Variants in ADGRG6 observed in about 807,000 individuals in gnomAD.
ADGRG6 encodes the protein G-protein coupled receptor 126.
A neutral mutation model predicts 142.4 loss-of-function variants in ADGRG6; 84 were observed. The ratio of observed to expected loss-of-function variants is 0.59; its 90% CI spans 0.49 to 0.71. The LOEUF (loss-of-function observed/expected upper bound fraction) is 0.71, where lower values mean the gene tolerates loss of function less well. Ranked by LOEUF, ADGRG6 falls within the 30% of genes least tolerant of loss-of-function variation. The probability of loss-of-function intolerance (pLI) is 0.00; values close to 1 mark genes in which losing one functional copy is unlikely to be tolerated. For missense variants in ADGRG6, 1,367 were observed against 1,466.6 expected, an observed-to-expected ratio of 0.93 and a Z score of 1.11; for synonymous variants, 521 against 520.5, an observed-to-expected ratio of 1.00 and a Z score of -0.01.
intron 5 of ADGRG6, among the ~76,000 whole-genome samples, chr6:142,382,418 T>G (rs1453672424): frequency 6.6e-6 from 1 of 152,188 alleles, no homozygotes; most frequent in Non-Finnish European, 1.5e-5. Context: ...AATTTGACTA[T>G]TCAGTTAACT....
At position 142,445,834 on chromosome 6, in the gene ADGRG6, GTTTTC is replaced by G. The variant is rs1777949963; in HGVS notation, c.*2329_*2333del. 2 of 152,036 alleles carry G rather than the reference GTTTTC, an allele frequency of 1.3e-5. No homozygotes were observed. The highest frequency in any genetic ancestry group is 4.8e-5 in the African/African-American group (2 of 41,406). 9.4% of individuals were successfully genotyped at this position (152,036 alleles called of 1,614,324 possible). On this transcript the variant is annotated 3_prime_UTR_variant, in exon 25 of 25. Coordinates refer to ENST00000367609, the MANE Select transcript of ADGRG6 (RefSeq NM_198569.3). The stretch of plus-strand genomic sequence containing the variant: ...TCAATTCAGACTCTCTTTTCATTAT[GTTTTC>G]TTTTCTTTTTCCCTCTTTTTAAACT...
Position 142,302,009 on chromosome 6 carries a change from G to C in ADGRG6, c.-321G>C. 1 of 404,496 alleles carries C rather than the reference G, an allele frequency of 2.5e-6. No homozygotes were observed. The highest frequency in any genetic ancestry group is 4.4e-6 in the Non-Finnish European group (1 of 229,626). The allele number at this position is 404,496 out of a possible 1,614,324, so 25.1% of individuals were successfully genotyped here. On this transcript the variant is annotated 5_prime_UTR_variant, in exon 1 of 25. Transcript: ENST00000367609. ...TGCGACGCGCACCCCTGCCTGGCCC[G>C]GTCTCCTCAGCACCAGCCCCACGCA... is the stretch of plus-strand genomic sequence containing the variant.
chr6:142,342,652 T>C (rs991264288), intron 2 of ADGRG6, among the ~76,000 whole-genome samples: 25 of 152,080 alleles, frequency 1.6e-4, no homozygotes, highest in African/African-American at 6.0e-4. Flanking sequence ...CAATGCTCTC[T>C]TGTGAGCTTT....
chr6:142,302,154 A>T lies in ADGRG6; in HGVS notation c.-176A>T. 1 of 650,210 alleles carries T rather than the reference A, an allele frequency of 1.5e-6. No individual in the cohort carries two copies. Among genetic ancestry groups the T allele is most frequent in the South Asian group, 2.1e-5 (1 of 46,990 alleles). 40.3% of individuals were successfully genotyped at this position (650,210 alleles called of 1,614,324 possible). On this transcript the variant is annotated 5_prime_UTR_variant, in exon 1 of 25. Coordinates refer to ENST00000367609, the MANE Select transcript of ADGRG6 (RefSeq NM_198569.3). ...CTGAACGCTGCCGCGCCCAGGGTTC[A>T]CCTTGCGCCGTCGGGAAAGCCCATG...
At chr6:142,418,295 T>TAAAA (rs541243272) in intron 21 of ADGRG6, among the ~76,000 whole-genome samples, 1 of 79,782 alleles carries the variant, frequency 1.3e-5, no homozygotes, top group Admixed American at 1.5e-4. Flanking sequence ...AGACTCCATC[T>TAAAA]AAAAAAAAAA....
intron 2 of ADGRG6, among the ~76,000 whole-genome samples, chr6:142,325,699 A>G (rs1427277815): frequency 6.6e-6 from 1 of 152,104 alleles, no homozygotes; most frequent in Non-Finnish European, 1.5e-5. Context: ...ATAGTTTCAA[A>G]CTTTTACTAA....
chr6:142,375,159 T>G (rs1781444939), intron 4 of ADGRG6, among the ~76,000 whole-genome samples: 2 of 152,214 alleles, frequency 1.3e-5, no homozygotes, highest in Non-Finnish European at 2.9e-5. Flanking sequence ...AGTAAGATCA[T>G]GCAGTTCTCA....
chr6:142,409,426 G>A (rs1033563125), intron 16 of ADGRG6, among the ~76,000 whole-genome samples: 1 of 152,062 alleles, frequency 6.6e-6, no homozygotes, highest in Non-Finnish European at 1.5e-5. Flanking sequence ...AGACGCTTGG[G>A]TTGCTTCTAC....
intron 6 of ADGRG6, among the ~76,000 whole-genome samples, chr6:142,385,450 G>T (rs1583070819): frequency 1.3e-5 from 2 of 152,040 alleles, no homozygotes; most frequent in African/African-American, 2.4e-5. Context: ...CTTAACAATT[G>T]TTATTTTTAC....
chr6:142,383,098 A>G (rs908535732), intron 5 of ADGRG6, among the ~76,000 whole-genome samples: 1 of 152,186 alleles, frequency 6.6e-6, no homozygotes, highest in African/African-American at 2.4e-5. Context: ...GTTTAAAAAA[A>G]GTTATTTTTA....
At chr6:142,362,085 T>C (rs1243840613) in intron 2 of ADGRG6, among the ~76,000 whole-genome samples, 2 of 152,214 alleles carry the variant, frequency 1.3e-5, no homozygotes, top group Non-Finnish European at 2.9e-5. Flanking sequence ...AGTTTAAACA[T>C]TAACAGTATT....
chr6:142,405,653 A>G, intron 14 of ADGRG6, 35 bp from the exon 15 acceptor site: 3 of 1,549,224 alleles, frequency 1.9e-6, no homozygotes, highest in Non-Finnish European at 2.7e-6. Flanking sequence ...TTCAATTATG[A>G]TTACTTGACC....
chr6:142,339,408 A>C (rs1316644692), intron 2 of ADGRG6, among the ~76,000 whole-genome samples: 2 of 152,186 alleles, frequency 1.3e-5, no homozygotes, highest in East Asian at 3.8e-4. Context: ...ACATGCTTCC[A>C]TCAGGGCTAA....
intron 18 of ADGRG6, among the ~76,000 whole-genome samples, chr6:142,414,352 A>G (rs886118478): frequency 6.6e-6 from 1 of 152,186 alleles, no homozygotes; most frequent in African/African-American, 2.4e-5. Context: ...TCAGTACTAT[A>G]GGAATAAAAA....
intron 7 of ADGRG6, among the ~76,000 whole-genome samples, chr6:142,392,332 C>A (rs555604653): frequency 4.6e-5 from 7 of 151,976 alleles, no homozygotes; most frequent in Non-Finnish European, 1.0e-4. Context: ...TCCATTGCTT[C>A]ATTAAAAACT....
intron 2 of ADGRG6, among the ~76,000 whole-genome samples, chr6:142,339,583 T>A (rs1779513842): frequency 1.3e-5 from 2 of 152,168 alleles, no homozygotes. Flanking sequence ...TTGTCTTATT[T>A]TAAAAAGCAT....
At chr6:142,366,018 C>A (rs1337554679) in intron 2 of ADGRG6, among the ~76,000 whole-genome samples, 1 of 151,874 alleles carries the variant, frequency 6.6e-6, no homozygotes, top group Non-Finnish European at 1.5e-5. Context: ...GGCAATTTAT[C>A]CAGTATTTTG....
chr6:142,357,347 G>T (rs1780495417), intron 2 of ADGRG6, among the ~76,000 whole-genome samples: 1 of 152,006 alleles, frequency 6.6e-6, no homozygotes, highest in Non-Finnish European at 1.5e-5. Context: ...CCAGTGATGA[G>T]TTAATTTAAA....
At chr6:142,387,663 A>G (rs755711253) in intron 6 of ADGRG6, among the ~76,000 whole-genome samples, 11 of 152,182 alleles carry the variant, frequency 7.2e-5, no homozygotes, top group Non-Finnish European at 1.5e-4. Flanking sequence ...ACGTCCTTGA[A>G]ATAGCATAGA....
Sources: gnomAD v4.1 joint callset for allele counts (sites outside exome capture counted in the v4.1 genomes callset) on GRCh38, gnomAD v4.1.1 for gene constraint, MANE v1.5 for transcripts, NCBI Gene and HGNC (gene_info 2026-07-23, HGNC 2026-07-21) for gene names.